ST6GALNAC5: variants seen among roughly 807,000 people sequenced by gnomAD.
The protein encoded by ST6GALNAC5 is ST6 N-acetylgalactosaminide alpha-2,6-sialyltransferase 5.
A neutral mutation model predicts 33.6 loss-of-function variants in ST6GALNAC5; 27 were observed. The ratio of observed to expected loss-of-function variants is 0.80; its 90% confidence interval spans 0.59 to 1.11. ST6GALNAC5 has a LOEUF of 1.11. Ranked by LOEUF, ST6GALNAC5 falls within the 50% of genes least tolerant of loss-of-function variation. ST6GALNAC5 has a pLI of 0.00. For synonymous variants in ST6GALNAC5, 194 were observed against 171.2 expected (o/e 1.13, Z -1.04); for missense variants, 428 against 454.0 (o/e 0.94, Z 0.52).
chr1:76,877,042 C>T (rs894276144), intron 2 of ST6GALNAC5, among the ~76,000 whole-genome samples: 7 of 152,144 alleles, frequency 4.6e-5, no homozygotes, highest in South Asian at 4.1e-4. Context: ...GTGCAAAACC[C>T]GCTTTTTGGC....
intron 2 of ST6GALNAC5, among the ~76,000 whole-genome samples, chr1:76,984,472 T>C (rs1330019831): frequency 6.6e-6 from 1 of 152,064 alleles, no homozygotes; most frequent in African/African-American, 2.4e-5. Context: ...TAGGAAGAAG[T>C]TGAATCTCTG....
At chr1:77,021,083 G>A (rs988285291) in intron 2 of ST6GALNAC5, among the ~76,000 whole-genome samples, 2 of 152,218 alleles carry the variant, frequency 1.3e-5, no homozygotes, top group African/African-American at 4.8e-5. Context: ...ACACTAAGGT[G>A]AGCCCATATT....
chr1:76,962,331 C>T (rs1315102471), intron 2 of ST6GALNAC5, among the ~76,000 whole-genome samples: 3 of 152,162 alleles, frequency 2.0e-5, no homozygotes, highest in Non-Finnish European at 2.9e-5. Context: ...AGAAGGGCAG[C>T]ATGGATGACC....
At chr1:76,940,555 G>A (rs1033012240) in intron 2 of ST6GALNAC5, among the ~76,000 whole-genome samples, 3 of 152,000 alleles carry the variant, frequency 2.0e-5, no homozygotes, top group African/African-American at 7.2e-5. Flanking sequence ...GATATAGTAT[G>A]GCTCCCTCAG....
chr1:77,011,500 A>G (rs1292350560), intron 2 of ST6GALNAC5, among the ~76,000 whole-genome samples: 5 of 152,192 alleles, frequency 3.3e-5, no homozygotes, highest in Non-Finnish European at 7.4e-5. Context: ...AGAGCATGAC[A>G]AGGTTTGGGA....
At chr1:76,890,870 G>A (rs899393172) in intron 2 of ST6GALNAC5, among the ~76,000 whole-genome samples, 1 of 151,886 alleles carries the variant, frequency 6.6e-6, no homozygotes, top group East Asian at 1.9e-4. Flanking sequence ...TACATTTATC[G>A]ATTTGAGCAT....
At chr1:77,005,067 A>C (rs1365521754) in intron 2 of ST6GALNAC5, among the ~76,000 whole-genome samples, 2 of 151,736 alleles carry the variant, frequency 1.3e-5, no homozygotes, top group Non-Finnish European at 2.9e-5. Flanking sequence ...AAGCCTGGGC[A>C]ATGGCGGGCG....
rs1652679573 is a variant in ST6GALNAC5, at chr1:77,063,744, T to C, written c.*538T>C. The C allele has an allele frequency of 6.4e-6, 1 of 155,696 alleles. No homozygotes were observed. The highest frequency in any genetic ancestry group is 2.4e-5 in the African/African-American group (1 of 41,472). 9.6% of individuals were successfully genotyped at this position (155,696 alleles called of 1,614,324 possible). ...TCCAATATTTATTTATTGAGAGTTT[T>C]TTAGTGCAATCTGGGCCAGTATTTT... On this transcript the variant is annotated 3_prime_UTR_variant, in exon 5 of 5. Transcript: ENST00000477717.
In ST6GALNAC5 at chr1:76,929,273, A is replaced by G. The variant is rs149482598; in HGVS notation, c.261+60531A>G. ...TGCCTCTAGATGTCCAGGTGCAGGG[A>G]CTCACACCTCTGGTCCCAGCATTTT... is the stretch of plus-strand genomic sequence containing the variant. On this transcript the variant is annotated intron_variant, in intron 2 of 4. Transcript: ENST00000477717. Among the ~76,000 whole-genome samples, 776 of 152,212 alleles carry G rather than the reference A, an allele frequency of 5.1e-3. 8 individuals carry two copies. The highest frequency in any genetic ancestry group is 0.017 in the African/African-American group (714 of 41,560).
chr1:76,902,553 G>T (rs1646828081), intron 2 of ST6GALNAC5, among the ~76,000 whole-genome samples: 1 of 152,122 alleles, frequency 6.6e-6, no homozygotes, highest in Non-Finnish European at 1.5e-5. Context: ...ATATGGAATT[G>T]CAGGGGACTC....
chr1:77,032,697 A>C (rs540860539), intron 2 of ST6GALNAC5, among the ~76,000 whole-genome samples: 27 of 151,734 alleles, frequency 1.8e-4, no homozygotes, highest in African/African-American at 3.1e-4. Flanking sequence ...CCCCAGCCTG[A>C]CTCCCAAGCC....
chr1:76,941,225 T>C (rs751751701), intron 2 of ST6GALNAC5, among the ~76,000 whole-genome samples: 33 of 152,092 alleles, frequency 2.2e-4, no homozygotes. Flanking sequence ...ACACAGTGTT[T>C]TGCTTAGCTG....
chr1:76,995,205 T>G (rs1476860060), intron 2 of ST6GALNAC5, among the ~76,000 whole-genome samples: 1 of 152,090 alleles, frequency 6.6e-6, no homozygotes, highest in Non-Finnish European at 1.5e-5. Context: ...CAAGACCAGC[T>G]TGGGCAACAT....
chr1:76,915,822 AC>A (rs1479038964), intron 2 of ST6GALNAC5, among the ~76,000 whole-genome samples: 1 of 151,868 alleles, frequency 6.6e-6, no homozygotes, highest in East Asian at 1.9e-4. Context: ...GTGCACATGT[AC>A]CCAAAAACTT....
rs375578798 is a variant in ST6GALNAC5, at chr1:77,018,227, T to A, written c.262-25977T>A. Among the ~76,000 whole-genome samples, 48 of 152,334 alleles carry A rather than the reference T, an allele frequency of 3.2e-4. 1 individual carries two copies. The Middle Eastern group carries it at 0.02, about 65-fold the overall frequency. On this transcript the variant is annotated intron_variant, in intron 2 of 4. Transcript: ENST00000477717. ...AGAAAAATTCTGGTGCACCTTCATC[T>A]TCTCACCATCACGATACCCCCATTT...
chr1:76,921,251 C>T (rs957253741), intron 2 of ST6GALNAC5, among the ~76,000 whole-genome samples: 3 of 151,970 alleles, frequency 2.0e-5, no homozygotes, highest in African/African-American at 7.2e-5. Context: ...CTTTCTCTGA[C>T]ACAGAAGGAA....
At chr1:77,048,515 C>G (rs1652091496) in intron 3 of ST6GALNAC5, among the ~76,000 whole-genome samples, 1 of 152,190 alleles carries the variant, frequency 6.6e-6, no homozygotes, top group Admixed American at 6.5e-5. Context: ...CCAGCTCCTT[C>G]AGTCTCAAAG....
chr1:77,017,012 G>A (rs907598421), intron 2 of ST6GALNAC5, among the ~76,000 whole-genome samples: 13 of 151,996 alleles, frequency 8.6e-5, no homozygotes, highest in African/African-American at 1.7e-4. Context: ...CTCCAAGTTC[G>A]GGTACAATCA....
intron 2 of ST6GALNAC5, among the ~76,000 whole-genome samples, chr1:76,970,974 AT>A (rs1281284398): frequency 1.3e-5 from 2 of 151,984 alleles, no homozygotes; most frequent in Non-Finnish European, 2.9e-5. Context: ...AACCACTTTT[AT>A]TTCTTGTTCT....
Sources: allele counts gnomAD v4.1 joint callset (sites outside exome capture counted in the v4.1 genomes callset), GRCh38; gene constraint gnomAD v4.1.1; transcripts MANE v1.5; gene names NCBI Gene and HGNC (gene_info 2026-07-23, HGNC 2026-07-21).